TRPM3: variants seen among roughly 807,000 people sequenced by gnomAD.
TRPM3 encodes the protein transient receptor potential cation channel subfamily M member 3.
Under a neutral mutation model 181.2 loss-of-function variants are expected in TRPM3, and 77 were observed. The ratio of observed to expected loss-of-function variants is 0.42; its 90% confidence interval spans 0.35 to 0.51. The LOEUF (loss-of-function observed/expected upper bound fraction) is 0.51. TRPM3 is among the 20% of genes least tolerant of loss of function. The pLI is 0.01. For synonymous variants in TRPM3, 745 were observed against 796.4 expected, an observed-to-expected ratio of 0.94 and a Z score of 1.09; for missense variants, 1,759 against 2,196.7, an observed-to-expected ratio of 0.80 and a Z score of 3.98.
At chr9:71,379,697 CT>C (rs202175060) in intron 1 of TRPM3, among the ~76,000 whole-genome samples, 13 of 120,618 alleles carry the variant, frequency 1.1e-4, no homozygotes, top group South Asian at 2.6e-4. Flanking sequence ...TTCCCAGAAT[CT>C]TTTTTTTTAA....
chr9:71,120,427 C>T (rs1469550502), intron 1 of TRPM3, among the ~76,000 whole-genome samples: 2 of 152,156 alleles, frequency 1.3e-5, no homozygotes, highest in Non-Finnish European at 2.9e-5. Context: ...GTTGTATGGA[C>T]TTTTTCAGTA....
At chr9:70,694,171 C>T (rs534315076) in intron 8 of TRPM3, among the ~76,000 whole-genome samples, 3 of 152,314 alleles carry the variant, frequency 2.0e-5, no homozygotes, top group Admixed American at 1.3e-4. Context: ...CCTTTAGTTT[C>T]CTGGGTTTTT....
At chr9:71,418,891 CAT>C (rs930468083) in intron 1 of TRPM3, among the ~76,000 whole-genome samples, 4 of 123,024 alleles carry the variant, frequency 3.3e-5, no homozygotes, top group Admixed American at 1.9e-4. Flanking sequence ...TATATACACA[CAT>C]ATATATGTGT....
Position 70,866,747 on chromosome 9 carries a change from A to G in TRPM3, c.178-2236T>C, listed in dbSNP as rs546182675. ...GAACCTCTTCTATGTCACATGGATA[A>G]TTCCAGCTACTTTGAAGAGTTGTTG... On this transcript the variant is annotated intron_variant, in intron 1 of 25. Coordinates refer to ENST00000677713, the MANE Select transcript of TRPM3 (RefSeq NM_001366145.2). Among the ~76,000 whole-genome samples, 6 of 152,164 alleles carry G rather than the reference A, an allele frequency of 3.9e-5. No individual in the cohort carries two copies. In the South Asian group the frequency reaches 1.2e-3, roughly 32 times the overall value.
chr9:71,227,767 C>T (rs1236936258), intron 1 of TRPM3, among the ~76,000 whole-genome samples: 2 of 151,954 alleles, frequency 1.3e-5, no homozygotes, highest in East Asian at 1.9e-4. Context: ...ACATATTCAC[C>T]CTACCAAGAT....
chr9:71,011,794 T>G (rs1236374208), intron 1 of TRPM3, among the ~76,000 whole-genome samples: 3 of 150,276 alleles, frequency 2.0e-5, no homozygotes, highest in East Asian at 3.9e-4. Flanking sequence ...TTTTTTGTTT[T>G]TTTTCAGACA....
Position 71,277,293 on chromosome 9 carries a change from G to A in TRPM3, c.183+169360C>T, listed in dbSNP as rs181286811. Among the ~76,000 whole-genome samples the A allele has an allele frequency of 9.2e-5, 14 of 152,244 alleles. No individual in the cohort carries two copies. The Middle Eastern group carries it at 0.017, about 185-fold the overall frequency. On this transcript the variant is annotated intron_variant, in intron 1 of 24. Coordinates refer to the TRPM3 transcript ENST00000357533. Reference sequence around the variant, plus strand: ...CACGTGCTCAAGCTTGTCTGAAATGGGAATAGTAAATGTATTTGTTTTCCT... The same window carrying A: ...CACGTGCTCAAGCTTGTCTGAAATGAGAATAGTAAATGTATTTGTTTTCCT...
In TRPM3 at chr9:70,843,122, T is replaced by C. The variant is rs1239884276; in HGVS notation, c.682A>G (p.Ile228Val). ...TTCAAGGCATCGCCAACATGACGAATAACACCTAAAAAAAAAAGAGAAGCA... is the reference window on the plus strand; with the variant it reads ...TTCAAGGCATCGCCAACATGACGAACAACACCTAAAAAAAAAAGAGAAGCA... ...IFTGGVNTGV[I>V]RHVGDALKDH... The change falls in exon 5 of 26, where the codon ATT (isoleucine) becomes GTT (valine). Residue 228 changes from isoleucine to valine, a missense_variant. Around this residue, in one of 8 missense-constraint regions of TRPM3, gnomAD observed 737 missense variants for 957.4 expected, o/e 0.77. Coordinates refer to ENST00000677713, the MANE Select transcript of TRPM3 (RefSeq NM_001366145.2). The C allele has an allele frequency of 6.5e-7, 1 of 1,531,710 alleles. No homozygotes were observed. The highest frequency in any genetic ancestry group is 8.7e-7 in the Non-Finnish European group (1 of 1,147,440). 94.9% of individuals were successfully genotyped at this position (1,531,710 alleles called of 1,614,324 possible).
chr9:71,081,976 G>C (rs752333302), intron 1 of TRPM3, among the ~76,000 whole-genome samples: 4 of 151,994 alleles, frequency 2.6e-5, no homozygotes, highest in Non-Finnish European at 5.9e-5. Context: ...TTTTTTACTA[G>C]CAGAACTGTA....
chr9:70,814,141 A>G (rs1052554957), intron 6 of TRPM3, among the ~76,000 whole-genome samples: 2 of 152,230 alleles, frequency 1.3e-5, no homozygotes, highest in African/African-American at 4.8e-5. Context: ...CACATCTTAA[A>G]AAGCTGAAGA....
At chr9:70,974,816 C>T (rs191704785) in intron 1 of TRPM3, among the ~76,000 whole-genome samples, 496 of 149,138 alleles carry the variant, frequency 3.3e-3, no homozygotes, top group Non-Finnish European at 4.9e-3. Flanking sequence ...TACACAAAGA[C>T]AACAATTCAA....
chr9:70,767,916 C>A (rs1387091269), intron 7 of TRPM3, among the ~76,000 whole-genome samples: 1 of 152,172 alleles, frequency 6.6e-6, no homozygotes, highest in Admixed American at 6.5e-5. Context: ...GAAGTCCTAG[C>A]ATGTCACTTT....
intron 1 of TRPM3, among the ~76,000 whole-genome samples, chr9:71,283,106 C>T (rs1021962091): frequency 7.3e-5 from 11 of 151,714 alleles, no homozygotes; most frequent in East Asian, 3.9e-4. Flanking sequence ...CTGTATTAAA[C>T]GATTCCCCCA....
At position 70,749,484 on chromosome 9, in the gene TRPM3, T is replaced by C. The variant is rs553861782; in HGVS notation, c.1272+12117A>G. On this transcript the variant is annotated intron_variant, in intron 8 of 25. Coordinates refer to ENST00000677713, the MANE Select transcript of TRPM3 (RefSeq NM_001366145.2). ...AGGCCATGAGTGCACCAATAAATAC[T>C]CAATAACTAGCACAAATCCAAAATA... is the stretch of plus-strand genomic sequence containing the variant. Among the ~76,000 whole-genome samples, 137 of 152,238 alleles carry C rather than the reference T, an allele frequency of 9.0e-4. 1 individual carries two copies. Among genetic ancestry groups the C allele is most frequent in the African/African-American group, 3.2e-3 (134 of 41,546 alleles).
chr9:71,298,673 C>A (rs2086509108), intron 1 of TRPM3, among the ~76,000 whole-genome samples: 1 of 152,086 alleles, frequency 6.6e-6, no homozygotes, highest in East Asian at 1.9e-4. Flanking sequence ...GGTCCAAGAG[C>A]AAACTGCAGG....
chr9:70,803,619 T>G (rs944931059), intron 6 of TRPM3, among the ~76,000 whole-genome samples: 2 of 151,850 alleles, frequency 1.3e-5, no homozygotes, highest in African/African-American at 4.8e-5. Flanking sequence ...CGGCCAATTT[T>G]TTTTGTATTT....
chr9:71,116,499 AT>A (rs2072414640), intron 1 of TRPM3, among the ~76,000 whole-genome samples: 1 of 152,222 alleles, frequency 6.6e-6, no homozygotes, highest in African/African-American at 2.4e-5. Flanking sequence ...GACCAAATAC[AT>A]TTGGTTATTT....
chr9:70,954,003 A>G (rs1273821975), intron 1 of TRPM3, among the ~76,000 whole-genome samples: 1 of 152,158 alleles, frequency 6.6e-6, no homozygotes, highest in East Asian at 1.9e-4. Flanking sequence ...CATCAGAAAC[A>G]TCCCTGAAGA....
chr9:71,051,870 A>G (rs1328018363), intron 1 of TRPM3, among the ~76,000 whole-genome samples: 1 of 152,144 alleles, frequency 6.6e-6, no homozygotes, highest in Non-Finnish European at 1.5e-5. Context: ...GCCCAGTCAG[A>G]GGGAAAGGAA....
Sources: gnomAD v4.1 joint callset for allele counts (sites outside exome capture counted in the v4.1 genomes callset) on GRCh38, gnomAD v4.1.1 for gene constraint, gnomAD v4.1.1 regional missense constraint, MANE v1.5 for transcripts, NCBI Gene and HGNC (gene_info 2026-07-23, HGNC 2026-07-21) for gene names.